SLC4A10: variants seen among roughly 807,000 people sequenced by gnomAD.
SLC4A10 encodes the protein sodium-driven chloride bicarbonate exchanger.
A neutral mutation model predicts 137.7 loss-of-function variants in SLC4A10; 42 were observed. That is an observed-to-expected ratio of 0.30 (90% CI 0.24 to 0.39). The LOEUF (loss-of-function observed/expected upper bound fraction) is 0.39, where lower values mean the gene tolerates loss of function less well. SLC4A10 is among the 10% of genes least tolerant of loss of function. The pLI, the probability that SLC4A10 is intolerant of heterozygous loss-of-function variation, is 1.00. For synonymous variants in SLC4A10, 474 were observed against 464.1 expected, an observed-to-expected ratio of 1.02 and a Z score of -0.27; for missense variants, 925 against 1,355.0, an observed-to-expected ratio of 0.68 and a Z score of 4.98.
chr2:161,845,667 A>C (rs1043653185), intron 4 of SLC4A10, among the ~76,000 whole-genome samples: 1 of 152,136 alleles, frequency 6.6e-6, no homozygotes, highest in African/African-American at 2.4e-5. Flanking sequence ...AGAACTAAGA[A>C]ATAGACCAGC....
At chr2:161,719,692 A>G (rs557207042) in intron 1 of SLC4A10, among the ~76,000 whole-genome samples, 6 of 152,234 alleles carry the variant, frequency 3.9e-5, no homozygotes, top group South Asian at 4.1e-4. Flanking sequence ...TGGCTGCATA[A>G]ATGTCTTCTT....
intron 1 of SLC4A10, among the ~76,000 whole-genome samples, chr2:161,693,669 CTTTTTTTTTTTT>C: frequency 8.7e-6 from 1 of 115,222 alleles, no homozygotes; most frequent in Non-Finnish European, 1.8e-5. Context: ...ACAAATTCGA[CTTTTTTTTTTTT>C]TTTTTTTTTT....
At chr2:161,896,069 C>T (rs938959487) in intron 11 of SLC4A10, among the ~76,000 whole-genome samples, 7 of 152,048 alleles carry the variant, frequency 4.6e-5, no homozygotes, top group African/African-American at 1.4e-4. Context: ...AGTCTTTAAT[C>T]CATCTTGAAT....
At chr2:161,654,918 T>C (rs998087054) in intron 1 of SLC4A10, among the ~76,000 whole-genome samples, 1 of 152,186 alleles carries the variant, frequency 6.6e-6, no homozygotes, top group South Asian at 2.1e-4. Flanking sequence ...AAAAATGCCA[T>C]TGGGATTTTG....
chr2:161,873,926 G>C lies in SLC4A10; in HGVS notation c.869G>C (p.Gly290Ala). ...STVDFSKGLGGQQKGHTSPCG... is the reference protein window; with the variant it reads ...STVDFSKGLGAQQKGHTSPCG... ...TAATTATGCGTGCAGGGACTGGGAGGCCAACAAAAGGGGCATACTAGTCCA... is the reference window on the plus strand; with the variant it reads ...TAATTATGCGTGCAGGGACTGGGAGCCCAACAAAAGGGGCATACTAGTCCA... The change falls in exon 8 of 27, where the codon GGC becomes GCC. Residue 290 changes from glycine (G) to alanine (A), a missense_variant. Gly to Ala is a moderately conservative substitution (Grantham distance 60). Coordinates refer to ENST00000446997, the MANE Select transcript of SLC4A10 (RefSeq NM_001178015.2). The C allele has an allele frequency of 6.3e-7, 1 of 1,593,842 alleles. No individual in the cohort carries two copies. Among genetic ancestry groups the C allele is most frequent in the Non-Finnish European group, 8.5e-7 (1 of 1,177,756 alleles).
At chr2:161,838,626 C>T (rs1048564793) in intron 3 of SLC4A10, among the ~76,000 whole-genome samples, 17 of 152,046 alleles carry the variant, frequency 1.1e-4, no homozygotes, top group Non-Finnish European at 1.9e-4. Flanking sequence ...TCTCAAAACT[C>T]GACAGTAAGG....
In SLC4A10 at chr2:161,871,325, G is replaced by A. The variant is rs183081829; in HGVS notation, c.767-968G>A. ...TCTACAACTGACGTGAATAAAAGCA[G>A]TATTTTGAGTCATTGAGTTATTATC... On this transcript the variant is annotated intron_variant, in intron 6 of 26. Coordinates refer to ENST00000446997, the MANE Select transcript of SLC4A10 (RefSeq NM_001178015.2). Among the ~76,000 whole-genome samples the A allele has an allele frequency of 2.7e-3, 410 of 151,850 alleles. 3 individuals are homozygous for A. Among genetic ancestry groups the A allele is most frequent in the African/African-American group, 9.4e-3 (390 of 41,482 alleles).
At chr2:161,690,352 T>G (rs2041856293) in intron 1 of SLC4A10, among the ~76,000 whole-genome samples, 4 of 152,172 alleles carry the variant, frequency 2.6e-5, no homozygotes. Context: ...TGGTGGAATG[T>G]AAATTAGTTT....
At chr2:161,782,203 C>G (rs1054252405) in intron 2 of SLC4A10, among the ~76,000 whole-genome samples, 1 of 151,992 alleles carries the variant, frequency 6.6e-6, no homozygotes, top group Non-Finnish European at 1.5e-5. Flanking sequence ...TGGGGGTTTT[C>G]CAAAGGATTG....
chr2:161,809,275 G>T (rs539021561), intron 3 of SLC4A10, among the ~76,000 whole-genome samples: 1 of 152,000 alleles, frequency 6.6e-6, no homozygotes, highest in South Asian at 2.1e-4. Flanking sequence ...TGGATTCGGG[G>T]TATCAGACAT....
intron 2 of SLC4A10, among the ~76,000 whole-genome samples, chr2:161,772,044 T>C (rs993565226): frequency 2.0e-5 from 3 of 151,878 alleles, no homozygotes. Context: ...AGAATTACTA[T>C]AATATTTAGA....
At chr2:161,947,899 T>A (rs1694114596) in intron 17 of SLC4A10, among the ~76,000 whole-genome samples, 172 bp downstream of exon 17, 1 of 151,894 alleles carries the variant, frequency 6.6e-6, no homozygotes, top group African/African-American at 2.4e-5. Flanking sequence ...GTGCTGGGAG[T>A]GCATATGCAG....
intron 3 of SLC4A10, among the ~76,000 whole-genome samples, chr2:161,815,847 C>T (rs991389509): frequency 6.6e-6 from 1 of 152,056 alleles, no homozygotes; most frequent in Non-Finnish European, 1.5e-5. Flanking sequence ...CAGATTCTCC[C>T]TCTTATTTTT....
intron 1 of SLC4A10, among the ~76,000 whole-genome samples, chr2:161,650,662 G>C (rs899376464): frequency 6.6e-6 from 1 of 152,202 alleles, no homozygotes; most frequent in East Asian, 1.9e-4. Flanking sequence ...CTCTAATTTC[G>C]GAGCAAAGTT....
intron 19 of SLC4A10, among the ~76,000 whole-genome samples, chr2:161,953,681 T>G (rs1171454306): frequency 6.6e-6 from 1 of 152,154 alleles, no homozygotes. Context: ...ACTGCATAGG[T>G]GACTTACTAC....
At chr2:161,871,856 TG>T (rs1217657908) in intron 6 of SLC4A10, among the ~76,000 whole-genome samples, 1 of 152,134 alleles carries the variant, frequency 6.6e-6, no homozygotes, top group African/African-American at 2.4e-5. Context: ...AAAAATATAC[TG>T]TGTAATTTTC....
intron 10 of SLC4A10, among the ~76,000 whole-genome samples, chr2:161,890,000 T>C (rs1474871873): frequency 6.6e-6 from 1 of 152,234 alleles, no homozygotes; most frequent in Non-Finnish European, 1.5e-5. Context: ...TTTGTTCTCA[T>C]TGGTTTCAAA....
chr2:161,823,461 C>T (rs2057784688), intron 3 of SLC4A10, among the ~76,000 whole-genome samples: 4 of 152,188 alleles, frequency 2.6e-5, no homozygotes, highest in Admixed American at 2.0e-4. Flanking sequence ...AGAATGATCT[C>T]TCATGGTTCT....
At chr2:161,959,863 A>T (rs1696322510) in intron 21 of SLC4A10, among the ~76,000 whole-genome samples, 1 of 152,206 alleles carries the variant, frequency 6.6e-6, no homozygotes, top group African/African-American at 2.4e-5. Flanking sequence ...CAGAAGCTGT[A>T]GGCAAATTCT....
Sources: allele counts gnomAD v4.1 joint callset (sites outside exome capture counted in the v4.1 genomes callset), GRCh38; gene constraint gnomAD v4.1.1; transcripts MANE v1.5; gene names NCBI Gene and HGNC (gene_info 2026-07-23, HGNC 2026-07-21).